NEIL3: variants seen among roughly 807,000 people sequenced by gnomAD.
NEIL3 encodes the protein endonuclease 8-like 3.
In NEIL3, 48 loss-of-function variants were observed where a neutral mutation model predicts 57.5. The observed-to-expected ratio is 0.83, with a 90% confidence interval of 0.66 to 1.06. The LOEUF is 1.06. Ranked by LOEUF, NEIL3 falls within the 50% of genes least tolerant of loss-of-function variation. The probability of loss-of-function intolerance (pLI) is 0.00; values close to 1 mark genes in which losing one functional copy is unlikely to be tolerated. For missense variants in NEIL3, 717 were observed against 739.1 expected, an observed-to-expected ratio of 0.97 and a Z score of 0.35; for synonymous variants, 261 against 253.2, an observed-to-expected ratio of 1.03 and a Z score of -0.29.
At chr4:177,314,331 A>G (rs1181331528) in intron 1 of NEIL3, among the ~76,000 whole-genome samples, 1 of 152,222 alleles carries the variant, frequency 6.6e-6, no homozygotes, top group Admixed American at 6.5e-5. Flanking sequence ...CAAGATGAAC[A>G]TATTCGGCAT....
Position 177,348,858 on chromosome 4 carries a change from A to ATTTTTTTTTT in NEIL3, c.870-2504_870-2495dup, listed in dbSNP as rs749391559. 6.0e-3 allele frequency among the ~76,000 whole-genome samples: 442 copies of ATTTTTTTTTT among 73,730 alleles called. 82 individuals carry two copies. The highest frequency in any genetic ancestry group is 0.017 in the African/African-American group (282 of 16,564). The allele number at this position is 73,730 out of a possible 152,430, so 48.4% of individuals were successfully genotyped here. On this transcript the variant is annotated intron_variant, in intron 6 of 9. Coordinates refer to ENST00000264596, the MANE Select transcript of NEIL3 (RefSeq NM_018248.3). ...AGAATTGCAGATTGGTGGCTCATGAATTTTTTTTTTTTTTTTTTTTTTTTT... is the reference window on the plus strand; with the variant it reads ...AGAATTGCAGATTGGTGGCTCATGAATTTTTTTTTTTTTTTTTTTTTTTTTTTTTTTTTTT...
chr4:177,334,174 C>T (rs981863697), intron 2 of NEIL3, among the ~76,000 whole-genome samples: 4 of 150,440 alleles, frequency 2.7e-5, no homozygotes, highest in African/African-American at 9.8e-5. Context: ...CAATTGTTGT[C>T]GCAGTATAGA....
chr4:177,327,032 T>A (rs1164278888), intron 2 of NEIL3, among the ~76,000 whole-genome samples: 7 of 152,020 alleles, frequency 4.6e-5, no homozygotes, highest in Admixed American at 4.6e-4. Context: ...GGGGGCTGTT[T>A]CCCCCATGCT....
intron 6 of NEIL3, among the ~76,000 whole-genome samples, chr4:177,341,891 CT>C (rs1436813937): frequency 2.0e-5 from 3 of 152,096 alleles, no homozygotes; most frequent in African/African-American, 7.2e-5. Context: ...TAGCCTTTAC[CT>C]TTAACCTAGT....
At chr4:177,338,932 C>G (rs1032685215) in intron 4 of NEIL3, among the ~76,000 whole-genome samples, 4 of 151,824 alleles carry the variant, frequency 2.6e-5, no homozygotes, top group Non-Finnish European at 5.9e-5. Context: ...ATGTCTAATA[C>G]AGAATAAATA....
At chr4:177,330,601 G>A (rs1302556355) in intron 2 of NEIL3, among the ~76,000 whole-genome samples, 2 of 152,140 alleles carry the variant, frequency 1.3e-5, no homozygotes, top group South Asian at 2.1e-4. Flanking sequence ...CCAAAAATTG[G>A]TTCTTTGAAA....
At chr4:177,336,024 C>T (rs1734972110) in intron 3 of NEIL3, 84 bp from the exon 4 acceptor site, 1 of 1,200,784 alleles carries the variant, frequency 8.3e-7, no homozygotes, top group Admixed American at 2.0e-5. Context: ...ACATAAAGTG[C>T]TTATAGCAAA....
At position 177,339,852 on chromosome 4, in the gene NEIL3, T is replaced by C. The variant is rs868696692; in HGVS notation, c.697T>C (p.Tyr233His). The C allele has an allele frequency of 6.2e-7, 1 of 1,612,214 alleles. No individual in the cohort carries two copies. Among genetic ancestry groups the C allele is most frequent in the Non-Finnish European group, 8.5e-7 (1 of 1,178,338 alleles). ...KMIRDFSILF[Y>H]RCRKAGLALS... ...GATACGTGATTTCAGCATTCTCTTT[T>C]ACAGGGTAAGAGCAAAATTTTTCAA... The change falls in exon 5 of 10, where the codon TAC becomes CAC. Residue 233 changes from tyrosine (Y) to histidine (H), a missense_variant. Tyr to His is a moderately conservative substitution (Grantham distance 83). Transcript: ENST00000264596.
In NEIL3 at chr4:177,362,666, G is replaced by T. The variant is rs1459691637; in HGVS notation, c.*195G>T. Reference sequence around the variant, plus strand: ...CGTCTTTTCTTTTGCCTTGATGAACGTTCTATGTATTTCATCGGATATACA... The same window carrying T: ...CGTCTTTTCTTTTGCCTTGATGAACTTTCTATGTATTTCATCGGATATACA... On this transcript the variant is annotated 3_prime_UTR_variant, in exon 10 of 10. Transcript: ENST00000264596. 2 of 465,400 alleles carry T rather than the reference G, an allele frequency of 4.3e-6. No individual in the cohort carries two copies. Among genetic ancestry groups the T allele is most frequent in the African/African-American group, 4.0e-5 (2 of 49,536 alleles). The allele number at this position is 465,400 out of a possible 1,614,324, so 28.8% of individuals were successfully genotyped here.
At chr4:177,335,002 T>C (rs1387128694) in intron 2 of NEIL3, among the ~76,000 whole-genome samples, 1 of 152,164 alleles carries the variant, frequency 6.6e-6, no homozygotes, top group East Asian at 1.9e-4. Flanking sequence ...AAGTTAACCG[T>C]AAATATTTAT....
intron 6 of NEIL3, among the ~76,000 whole-genome samples, chr4:177,344,801 A>G (rs1735178940): frequency 6.6e-6 from 1 of 152,114 alleles, no homozygotes; most frequent in Non-Finnish European, 1.5e-5. Flanking sequence ...AGCTCAAGTG[A>G]TCTGCCTGCC....
the NEIL3 span, among the ~76,000 whole-genome samples, chr4:177,369,539 C>T: frequency 1.3e-5 from 2 of 152,116 alleles, no homozygotes; most frequent in African/African-American, 4.8e-5. Context: ...CAAGCCAATG[C>T]ACACTGAGAT....
intron 1 of NEIL3, among the ~76,000 whole-genome samples, chr4:177,311,713 G>A (rs1734478630): frequency 6.6e-6 from 1 of 150,934 alleles, no homozygotes; most frequent in Non-Finnish European, 1.5e-5. Flanking sequence ...TGTGCAGGGT[G>A]AGTAGAAGCC....
intron 1 of NEIL3, among the ~76,000 whole-genome samples, chr4:177,313,765 C>G (rs1042501429): frequency 6.6e-6 from 1 of 152,092 alleles, no homozygotes; most frequent in Non-Finnish European, 1.5e-5. Context: ...AATATGCCAG[C>G]TATTTATCGT....
intron 1 of NEIL3, among the ~76,000 whole-genome samples, chr4:177,312,626 G>A (rs1734498407): frequency 6.6e-6 from 1 of 152,080 alleles, no homozygotes; most frequent in Non-Finnish European, 1.5e-5. Flanking sequence ...ACATCACTTG[G>A]CAGCAATATT....
In NEIL3 at chr4:177,362,274, CT is replaced by C; in HGVS notation, c.1636-8del. On this transcript the variant is annotated splice_polypyrimidine_tract_variant and intron_variant, in intron 9 of 9. Transcript: ENST00000264596. ...CTTTTGTATAAACTTGTAAATTTACCTTTTTTTCCTGCAGTGGGCAGATTTG... is the reference window on the plus strand; with the variant it reads ...CTTTTGTATAAACTTGTAAATTTACCTTTTTTCCTGCAGTGGGCAGATTTG... 5.7e-6 allele frequency: 9 copies of C among 1,584,430 alleles called. No individual in the cohort carries two copies. Among genetic ancestry groups the C allele is most frequent in the Admixed American group, 3.7e-5 (2 of 54,134 alleles).
intron 9 of NEIL3, among the ~76,000 whole-genome samples, chr4:177,362,026 T>G (rs1447520176): frequency 1.3e-5 from 2 of 152,178 alleles, no homozygotes; most frequent in Non-Finnish European, 2.9e-5. Context: ...GTGAAGAAAC[T>G]TCTGTAAATA....
intron 1 of NEIL3, among the ~76,000 whole-genome samples, chr4:177,318,205 T>A (rs1459690235): frequency 6.6e-6 from 1 of 152,134 alleles, no homozygotes; most frequent in Non-Finnish European, 1.5e-5. Context: ...TAGTTTTGAG[T>A]CTCTTCCTAA....
intron 1 of NEIL3, among the ~76,000 whole-genome samples, chr4:177,312,813 T>C (rs1198912849): frequency 1.3e-5 from 2 of 152,168 alleles, no homozygotes; most frequent in Non-Finnish European, 2.9e-5. Context: ...TTGAGGCTGT[T>C]GGTAAATTTC....
Sources: gnomAD v4.1 joint callset for allele counts (sites outside exome capture counted in the v4.1 genomes callset) on GRCh38, gnomAD v4.1.1 for gene constraint, MANE v1.5 for transcripts, NCBI Gene and HGNC (gene_info 2026-07-23, HGNC 2026-07-21) for gene names.